Variants in CBFA2T2 observed in about 807,000 individuals in gnomAD.
The protein encoded by CBFA2T2 is protein CBFA2T2.
A neutral mutation model predicts 62.2 loss-of-function variants in CBFA2T2; 11 were observed. The observed-to-expected ratio is 0.18, with a 90% confidence interval of 0.11 to 0.29. CBFA2T2 has a LOEUF of 0.29. Ranked by LOEUF, CBFA2T2 falls within the 10% of genes least tolerant of loss-of-function variation. The probability of loss-of-function intolerance (pLI) is 1.00; values close to 1 mark genes in which losing one functional copy is unlikely to be tolerated. For missense variants in CBFA2T2, 592 were observed against 774.1 expected (o/e 0.76, Z 2.79); for synonymous variants, 295 against 287.5 (o/e 1.03, Z -0.27).
intron 1 of CBFA2T2, among the ~76,000 whole-genome samples, chr20:33,591,982 C>T (rs1302077798): frequency 6.6e-6 from 1 of 152,132 alleles, no homozygotes; most frequent in Non-Finnish European, 1.5e-5. Context: ...CAACATGTTG[C>T]TTCTGTTTTC....
intron 1 of CBFA2T2, among the ~76,000 whole-genome samples, chr20:33,560,880 G>T (rs561616173): frequency 1.3e-5 from 2 of 152,112 alleles, no homozygotes; most frequent in African/African-American, 4.8e-5. Context: ...TTTTGCTTTT[G>T]CTTTTGCTTT....
intron 3 of CBFA2T2, among the ~76,000 whole-genome samples, chr20:33,617,770 A>T (rs1555845883): frequency 1.3e-5 from 2 of 152,184 alleles, no homozygotes; most frequent in Non-Finnish European, 2.9e-5. Context: ...CTTTAAAAGA[A>T]TTTTTTTGGT....
chr20:33,606,208 T>C (rs545674229), intron 1 of CBFA2T2, among the ~76,000 whole-genome samples: 1 of 152,306 alleles, frequency 6.6e-6, no homozygotes, highest in East Asian at 1.9e-4. Context: ...TGTTAGCTTT[T>C]TCACCCCTAA....
intron 1 of CBFA2T2, among the ~76,000 whole-genome samples, chr20:33,540,087 A>T (rs548752584): frequency 7.6e-4 from 115 of 152,274 alleles, no homozygotes; most frequent in Non-Finnish European, 1.3e-3. Flanking sequence ...AGAGAACAGT[A>T]ATTAACTTTT....
At chr20:33,518,553 G>A (rs1014111639) in intron 1 of CBFA2T2, among the ~76,000 whole-genome samples, 2 of 151,232 alleles carry the variant, frequency 1.3e-5, no homozygotes, top group African/African-American at 2.4e-5. Flanking sequence ...ACCTGAGGTC[G>A]GGAGTTTGAG....
intron 1 of CBFA2T2, among the ~76,000 whole-genome samples, chr20:33,525,353 A>G (rs1403657731): frequency 6.7e-6 from 1 of 148,926 alleles, no homozygotes; most frequent in African/African-American, 2.5e-5. Flanking sequence ...TGCCCGGCTA[A>G]TTTTGTATTT....
chr20:33,575,077 A>G (rs2146907053), intron 1 of CBFA2T2, among the ~76,000 whole-genome samples: 1 of 152,328 alleles, frequency 6.6e-6, no homozygotes, highest in South Asian at 2.1e-4. Context: ...GCAGGATGAA[A>G]AAGTAAATTT....
At chr20:33,589,894 A>T (rs1159459692) in intron 1 of CBFA2T2, among the ~76,000 whole-genome samples, 1 of 152,174 alleles carries the variant, frequency 6.6e-6, no homozygotes, top group Non-Finnish European at 1.5e-5. Flanking sequence ...TATACTAAGA[A>T]ATTTCAATAT....
intron 1 of CBFA2T2, among the ~76,000 whole-genome samples, chr20:33,500,797 G>T (rs937339576): frequency 6.6e-6 from 1 of 152,140 alleles, no homozygotes; most frequent in African/African-American, 2.4e-5. Context: ...TTGTTCAGGG[G>T]TATCCTAAGT....
At chr20:33,579,115 G>GTT (rs533821689) in intron 1 of CBFA2T2, among the ~76,000 whole-genome samples, 3,370 of 128,204 alleles carry the variant, frequency 0.026, 118 homozygotes, top group African/African-American at 0.087. Flanking sequence ...GTTTTTTTTT[G>GTT]TTTTTTTTTT....
In CBFA2T2 at chr20:33,621,287, C is replaced by CTTTT. The variant is rs199805350; in HGVS notation, c.510+1704_510+1707dup. Among the ~76,000 whole-genome samples, 58 of 85,294 alleles carry CTTTT rather than the reference C, an allele frequency of 6.8e-4. 4 individuals are homozygous for CTTTT. The highest frequency in any genetic ancestry group is 1.7e-3 in the African/African-American group (32 of 19,292). The allele number at this position is 85,294 out of a possible 152,430, so 56.0% of individuals were successfully genotyped here. The stretch of plus-strand genomic sequence containing the variant: ...TCTATAATACCTTTAATTTTACTGC[C>CTTTT]TTTTTTTTTTTTTTTTTTTTTTTTT... On this transcript the variant is annotated intron_variant, in intron 4 of 10. Coordinates refer to ENST00000342704, the MANE Select transcript of CBFA2T2 (RefSeq NM_001032999.3).
At chr20:33,557,004 CTT>C (rs751836572) in intron 1 of CBFA2T2, among the ~76,000 whole-genome samples, 2 of 46,200 alleles carry the variant, frequency 4.3e-5, no homozygotes, top group African/African-American at 1.9e-4. Flanking sequence ...GCATGCTTAT[CTT>C]TTTTTTTTTT....
At chr20:33,512,124 C>G (rs979910121) in intron 1 of CBFA2T2, among the ~76,000 whole-genome samples, 8 of 151,944 alleles carry the variant, frequency 5.3e-5, no homozygotes, top group Non-Finnish European at 1.2e-4. Flanking sequence ...TTGCAGTGAG[C>G]TGAGATCTAC....
At chr20:33,567,553 A>G (rs1238894594) in intron 1 of CBFA2T2, among the ~76,000 whole-genome samples, 1 of 150,730 alleles carries the variant, frequency 6.6e-6, no homozygotes, top group Non-Finnish European at 1.5e-5. Context: ...TTAATCTCTT[A>G]CTGTGCCTAC....
intron 1 of CBFA2T2, among the ~76,000 whole-genome samples, chr20:33,545,008 A>C (rs2012507776): frequency 6.6e-6 from 1 of 151,614 alleles, no homozygotes; most frequent in East Asian, 2.0e-4. Flanking sequence ...AATAGAATAG[A>C]ATAGAACAGA....
At chr20:33,634,978 A>G (rs570339542) in intron 8 of CBFA2T2, among the ~76,000 whole-genome samples, 1 of 152,350 alleles carries the variant, frequency 6.6e-6, no homozygotes, top group South Asian at 2.1e-4. Flanking sequence ...AAAAGAGAAC[A>G]ACATTAGAAA....
At chr20:33,509,504 C>T (rs149761795) in intron 1 of CBFA2T2, among the ~76,000 whole-genome samples, 234 of 152,166 alleles carry the variant, frequency 1.5e-3, no homozygotes, top group African/African-American at 5.0e-3. Context: ...AATAATCTGT[C>T]GGTAACAGAT....
Position 33,545,005 on chromosome 20 carries a change from TAGAATAGAAC to T in CBFA2T2, c.34+54709_34+54718del, listed in dbSNP as rs1312871634. 3.9e-5 allele frequency among the ~76,000 whole-genome samples: 5 copies of T among 128,998 alleles called. No individual in the cohort carries two copies. In the East Asian group the frequency reaches 1.0e-3, roughly 26 times the overall value. 84.6% of individuals were successfully genotyped at this position (128,998 alleles called of 152,430 possible). ...TAGAATAGAATAGAATAGAATAGAA[TAGAATAGAAC>T]AGAACAGAATGCAAGGTAGACAGGC... On this transcript the variant is annotated intron_variant, in intron 1 of 10. Coordinates refer to ENST00000342704, the MANE Select transcript of CBFA2T2 (RefSeq NM_001032999.3).
chr20:33,549,715 A>G (rs2012680702), intron 1 of CBFA2T2, among the ~76,000 whole-genome samples: 1 of 152,202 alleles, frequency 6.6e-6, no homozygotes, highest in African/African-American at 2.4e-5. Context: ...GGCAAATTTT[A>G]TGGTCTGTAT....
Sources: gnomAD v4.1 joint callset for allele counts (sites outside exome capture counted in the v4.1 genomes callset) on GRCh38, gnomAD v4.1.1 for gene constraint, MANE v1.5 for transcripts, NCBI Gene and HGNC (gene_info 2026-07-23, HGNC 2026-07-21) for gene names.